BTF3L4: variants seen among roughly 807,000 people sequenced by gnomAD.
BTF3L4 encodes the protein basic transcription factor 3 like 4.
In BTF3L4, 6 loss-of-function variants were observed where a neutral mutation model predicts 16.8. That is an observed-to-expected ratio of 0.36 (90% CI 0.20 to 0.71). The LOEUF is 0.71. Ranked by LOEUF, BTF3L4 falls within the 30% of genes least tolerant of loss-of-function variation. The pLI is 0.58. For missense variants in BTF3L4, 92 were observed against 186.9 expected (o/e 0.49, Z 2.96); for synonymous variants, 39 against 59.8 (o/e 0.65, Z 1.60).
At chr1:52,073,026 C>T (rs1352855911) in intron 3 of BTF3L4, among the ~76,000 whole-genome samples, 4 of 152,002 alleles carry the variant, frequency 2.6e-5, no homozygotes, top group East Asian at 1.9e-4. Flanking sequence ...CCATTGCACT[C>T]CAGCCTGAGC....
At position 52,070,633 on chromosome 1, in the gene BTF3L4, CTTT is replaced by C. The variant is rs35272382; in HGVS notation, c.168+5710_168+5712del. Among the ~76,000 whole-genome samples, 681 of 101,598 alleles carry C rather than the reference CTTT, an allele frequency of 6.7e-3. 12 individuals are homozygous for C. In the South Asian group the frequency reaches 0.072, roughly 11 times the overall value. The allele number at this position is 101,598 out of a possible 152,430, so 66.7% of individuals were successfully genotyped here. On this transcript the variant is annotated intron_variant, in intron 3 of 5. Transcript: ENST00000313334. ...ATACAAAGGTCAAATAAATAACCAG[CTTT>C]TTTTTTTTTTTTTTGGTGGGGGGAT...
intron 3 of BTF3L4, among the ~76,000 whole-genome samples, chr1:52,076,217 G>A (rs984205916): frequency 5.9e-5 from 9 of 151,970 alleles, no homozygotes; most frequent in African/African-American, 1.5e-4. Context: ...TGCAGGTTGC[G>A]TTGAGCAGAG....
At chr1:52,079,054 A>G (rs1456939436) in intron 3 of BTF3L4, among the ~76,000 whole-genome samples, 1 of 152,216 alleles carries the variant, frequency 6.6e-6, no homozygotes, top group East Asian at 1.9e-4. Context: ...AATTTGCTTT[A>G]TGACTTTAAC....
Position 52,086,750 on chromosome 1 carries a change from G to A in BTF3L4, c.469G>A (p.Ala157Thr). 6.3e-7 allele frequency: 1 copy of A among 1,598,260 alleles called. No individual in the cohort carries two copies. Among genetic ancestry groups the A allele is most frequent in the Non-Finnish European group, 8.5e-7 (1 of 1,173,486 alleles). The change falls in exon 6 of 6, where the codon GCT (alanine) becomes ACT (threonine). Residue 157 changes from alanine to threonine, a missense_variant. Ala to Thr is a moderately conservative substitution (Grantham distance 58). Transcript: ENST00000313334. ...TTTTGATGAGGCATCAAAGAATGAAGCTAACTAAAAGTTTGGTTTTTGGAA... is the reference window on the plus strand; with the variant it reads ...TTTTGATGAGGCATCAAAGAATGAAACTAACTAAAAGTTTGGTTTTTGGAA... ...ENFDEASKNE[A>T]N is the part of the protein sequence containing the mutation.
chr1:52,083,542 G>A lies in BTF3L4; in HGVS notation c.370+1G>A. The A allele has an allele frequency of 6.2e-7, 1 of 1,610,986 alleles. No homozygotes were observed. Among genetic ancestry groups the A allele is most frequent in the Non-Finnish European group, 8.5e-7 (1 of 1,177,736 alleles). On this transcript the variant is annotated splice_donor_variant, in intron 4 of 5. Coordinates refer to ENST00000313334, the MANE Select transcript of BTF3L4 (RefSeq NM_152265.5). LOFTEE classifies it high-confidence loss of function. ...TTAGCTGAACAGTTCCCACGGCAAGGTAGGTATTTCAATTTAGTAAATCTT... is the reference window on the plus strand; with the variant it reads ...TTAGCTGAACAGTTCCCACGGCAAGATAGGTATTTCAATTTAGTAAATCTT...
At chr1:52,079,209 A>T (rs886920831) in intron 3 of BTF3L4, among the ~76,000 whole-genome samples, 7 of 151,974 alleles carry the variant, frequency 4.6e-5, no homozygotes, top group Admixed American at 6.6e-5. Context: ...AGAAGGAAGG[A>T]ATGTTAGAAA....
intron 3 of BTF3L4, among the ~76,000 whole-genome samples, chr1:52,073,902 G>A (rs993248114): frequency 6.6e-6 from 1 of 151,974 alleles, no homozygotes; most frequent in Non-Finnish European, 1.5e-5. Flanking sequence ...GGGGGCTGAG[G>A]CAGAGAATTG....
intron 2 of BTF3L4, among the ~76,000 whole-genome samples, chr1:52,063,652 C>T (rs1686574680): frequency 6.6e-6 from 1 of 152,180 alleles, no homozygotes; most frequent in Non-Finnish European, 1.5e-5. Flanking sequence ...AATAGTATTT[C>T]AATGGAAAAA....
At chr1:52,085,977 G>A in intron 4 of BTF3L4, 135 bp from the exon 5 acceptor site, 1 of 477,458 alleles carries the variant, frequency 2.1e-6, no homozygotes, top group Non-Finnish European at 3.6e-6. Flanking sequence ...AATATGAATG[G>A]CATTTTAGAT....
intron 3 of BTF3L4, among the ~76,000 whole-genome samples, chr1:52,073,435 C>A (rs1686843428): frequency 6.6e-6 from 1 of 150,566 alleles, no homozygotes; most frequent in South Asian, 2.1e-4. Flanking sequence ...TTTAATCTTT[C>A]CCATCTTTAT....
intron 1 of BTF3L4, among the ~76,000 whole-genome samples, chr1:52,056,692 C>T (rs200140251): frequency 6.6e-6 from 1 of 152,372 alleles, no homozygotes; most frequent in East Asian, 1.9e-4. Context: ...CTCACAACAG[C>T]AGTGTTGTGT....
chr1:52,083,340 G>A lies in BTF3L4; in HGVS notation c.169G>A (p.Val57Met). Residue 57 changes from valine (V) to methionine (M), a missense_variant and splice_region_variant, in exon 4 of 6, where the codon GTG becomes ATG. Val to Met is a conservative substitution (Grantham distance 21). Coordinates refer to ENST00000313334, the MANE Select transcript of BTF3L4 (RefSeq NM_152265.5). ...ACATTTTTCTTCTGTGATCATACAG[G>A]TGAACATGATTAAAGATGATGGGAC... ...AVNNIAGIEE[V>M]NMIKDDGTVI... 1 of 1,612,126 alleles carries A rather than the reference G, an allele frequency of 6.2e-7. No homozygotes were observed. Among genetic ancestry groups the A allele is most frequent in the Non-Finnish European group, 8.5e-7 (1 of 1,178,370 alleles).
At chr1:52,081,956 C>G (rs1319090778) in intron 3 of BTF3L4, among the ~76,000 whole-genome samples, 1 of 152,116 alleles carries the variant, frequency 6.6e-6, no homozygotes, top group African/African-American at 2.4e-5. Flanking sequence ...AGCCCTCTTC[C>G]CACTGTCCAT....
chr1:52,088,606 A>C lies in BTF3L4; in HGVS notation c.*1848A>C, dbSNP rs1284001625. 1 of 152,412 alleles carries C rather than the reference A, an allele frequency of 6.6e-6. No homozygotes were observed. Among genetic ancestry groups the C allele is most frequent in the Non-Finnish European group, 1.5e-5 (1 of 68,066 alleles). 9.4% of individuals were successfully genotyped at this position (152,412 alleles called of 1,614,324 possible). ...CATTGTGGAGGCAGAGTTAGGGGGA[A>C]CCACTTCAAGTGGTTAGGGACAGAT... On this transcript the variant is annotated 3_prime_UTR_variant, in exon 6 of 6. Transcript: ENST00000313334.
chr1:52,080,519 G>GTTTTTTT (rs753783341), intron 3 of BTF3L4, among the ~76,000 whole-genome samples: 3 of 70,230 alleles, frequency 4.3e-5, no homozygotes, highest in African/African-American at 1.9e-4. Flanking sequence ...GGTTTTTTGG[G>GTTTTTTT]TTTTTTTTTT....
rs373380999 is a variant in BTF3L4 at position 52,057,465 on chromosome 1, C to G, written c.-14+1086C>G. Among the ~76,000 whole-genome samples, 10 of 152,294 alleles carry G rather than the reference C, an allele frequency of 6.6e-5. No homozygotes were observed. In the East Asian group the frequency reaches 1.7e-3, roughly 26 times the overall value. Reference sequence around the variant, plus strand: ...TAGGAAGGGACTTCTCCCTTCTGGGCCCTTATTTCCTAATCTATTAAGATG... The same window carrying G: ...TAGGAAGGGACTTCTCCCTTCTGGGGCCTTATTTCCTAATCTATTAAGATG... On this transcript the variant is annotated intron_variant, in intron 1 of 5. Coordinates refer to ENST00000313334, the MANE Select transcript of BTF3L4 (RefSeq NM_152265.5).
intron 3 of BTF3L4, among the ~76,000 whole-genome samples, chr1:52,067,255 G>A (rs997284044): frequency 2.0e-5 from 3 of 152,162 alleles, no homozygotes; most frequent in Admixed American, 2.0e-4. Flanking sequence ...TAAAGAAATA[G>A]CAGAGTTAAA....
rs1262636376 is a variant in BTF3L4, at chr1:52,087,138, A to G, written c.*380A>G. On this transcript the variant is annotated 3_prime_UTR_variant, in exon 6 of 6. Transcript: ENST00000313334. Reference sequence around the variant, plus strand: ...TTATCCTCCTCCCTCCCCAGTAGAAATAAAAAAAATCTTTACATTTGTTAC... The same window carrying G: ...TTATCCTCCTCCCTCCCCAGTAGAAGTAAAAAAAATCTTTACATTTGTTAC... 1.2e-5 allele frequency: 2 copies of G among 163,430 alleles called. No homozygotes were observed. The highest frequency in any genetic ancestry group is 2.7e-5 in the Non-Finnish European group (2 of 75,296). 10.1% of individuals were successfully genotyped at this position (163,430 alleles called of 1,614,324 possible).
In BTF3L4 at chr1:52,072,153, C is replaced by G. The variant is rs549811189; in HGVS notation, c.168+7215C>G. Among the ~76,000 whole-genome samples the G allele has an allele frequency of 1.9e-4, 28 of 151,288 alleles. No individual in the cohort carries two copies. The South Asian group carries it at 3.1e-3, about 17-fold the overall frequency. The stretch of plus-strand genomic sequence containing the variant: ...CACTGCAAGCTCCGCCTCCTGTGTT[C>G]ACACCATTCTCCTGCCTCAGCCTCC... On this transcript the variant is annotated intron_variant, in intron 3 of 5. Transcript: ENST00000313334.
Sources: gnomAD v4.1 joint callset for allele counts (sites outside exome capture counted in the v4.1 genomes callset) on GRCh38, gnomAD v4.1.1 for gene constraint, MANE v1.5 for transcripts, NCBI Gene and HGNC (gene_info 2026-07-23, HGNC 2026-07-21) for gene names.